The following PDE1C variants were observed in gnomAD, a reference collection of about 807,000 sequenced individuals.
The protein encoded by PDE1C is phosphodiesterase 1C.
In PDE1C, 62 loss-of-function variants were observed where a neutral mutation model predicts 93.1. The ratio of observed to expected loss-of-function variants is 0.67; its 90% CI spans 0.54 to 0.82. PDE1C has a LOEUF of 0.82. Ranked by LOEUF, PDE1C falls within the 40% of genes least tolerant of loss-of-function variation. The pLI is 0.00. For missense variants in PDE1C, 742 were observed against 884.6 expected (o/e 0.84, Z 2.04); for synonymous variants, 325 against 310.1 (o/e 1.05, Z -0.50).
chr7:32,014,676 G>A (rs936310883), intron 2 of PDE1C, among the ~76,000 whole-genome samples: 1 of 151,948 alleles, frequency 6.6e-6, no homozygotes, highest in African/African-American at 2.4e-5. Flanking sequence ...TGTTCTCATT[G>A]TTCAACTCCC....
At chr7:31,713,347 C>T in the PDE1C span, among the ~76,000 whole-genome samples, 1 of 152,242 alleles carries the variant, frequency 6.6e-6, no homozygotes, top group Non-Finnish European at 1.5e-5. Flanking sequence ...ACATCCAGGT[C>T]ACGCTGATGC....
intron 1 of PDE1C, among the ~76,000 whole-genome samples, chr7:32,052,039 C>A (rs1256004794): frequency 2.0e-5 from 3 of 152,146 alleles, no homozygotes; most frequent in Non-Finnish European, 4.4e-5. Context: ...TATGTTGTCA[C>A]TATCGTTACT....
At chr7:32,364,637 C>T (rs1226495048) in intron 1 of PDE1C, among the ~76,000 whole-genome samples, 1 of 152,230 alleles carries the variant, frequency 6.6e-6, no homozygotes, top group Admixed American at 6.5e-5. Flanking sequence ...AGCTGCATCA[C>T]TCCAGATGAG....
upstream of PDE1C, chr7:32,070,424 G>A (rs773755220): frequency 4.1e-5 from 66 of 1,613,374 alleles, no homozygotes; most frequent in Non-Finnish European, 2.5e-6. Context: ...TGGCGGTGAA[G>A]CTGAGATAGT....
rs994121823 is a variant in PDE1C at position 32,058,156 on chromosome 7, C to T, written c.102-6576G>A. 1.8e-4 allele frequency among the ~76,000 whole-genome samples: 27 copies of T among 152,282 alleles called. 1 individual carries two copies. Among genetic ancestry groups the T allele is most frequent in the African/African-American group, 6.3e-4 (26 of 41,562 alleles). On this transcript the variant is annotated intron_variant, in intron 1 of 17. Coordinates refer to ENST00000396191, the MANE Select transcript of PDE1C (RefSeq NM_001191057.4). ...CAACTGCATACACACAATGCAAATT[C>T]CAGTTCTGCCTTCAGTGTTCTCCAG...
chr7:31,959,257 C>T (rs1808584031), intron 2 of PDE1C, among the ~76,000 whole-genome samples: 1 of 152,112 alleles, frequency 6.6e-6, no homozygotes, highest in African/African-American at 2.4e-5. Flanking sequence ...GTTGCCCAGG[C>T]TGGAATGCAG....
chr7:32,358,471 G>A (rs1392612187), intron 1 of PDE1C, among the ~76,000 whole-genome samples: 3 of 152,212 alleles, frequency 2.0e-5, no homozygotes, highest in Non-Finnish European at 4.4e-5. Context: ...TTCACAGGTT[G>A]TGGTAAGGAT....
At chr7:32,140,966 T>G (rs1247076712) in intron 3 of PDE1C, among the ~76,000 whole-genome samples, 1 of 152,234 alleles carries the variant, frequency 6.6e-6, no homozygotes, top group African/African-American at 2.4e-5. Context: ...ACCTGTGGAA[T>G]AAAAATTTCT....
chr7:31,853,678 A>T (rs1793626489), intron 7 of PDE1C, among the ~76,000 whole-genome samples: 1 of 152,034 alleles, frequency 6.6e-6, no homozygotes, highest in Admixed American at 6.6e-5. Context: ...GAAGGGAGAT[A>T]AAAAGCAGGG....
intron 1 of PDE1C, 39 bp from the exon 2 acceptor site, chr7:32,051,619 G>A: frequency 6.3e-7 from 1 of 1,579,542 alleles, no homozygotes; most frequent in African/African-American, 1.3e-5. Context: ...GAAAAGGGTT[G>A]TGGCAGGCAG....
At chr7:31,874,544 A>C (rs751951422) in intron 5 of PDE1C, among the ~76,000 whole-genome samples, 5 of 152,272 alleles carry the variant, frequency 3.3e-5, no homozygotes, top group South Asian at 2.1e-4. Flanking sequence ...ATCCATCCTA[A>C]TTTTGTTCCT....
At chr7:32,410,272 A>C (rs1057261748) in intron 1 of PDE1C, among the ~76,000 whole-genome samples, 17 of 151,826 alleles carry the variant, frequency 1.1e-4, no homozygotes, top group African/African-American at 3.6e-4. Context: ...GGCAGAGTGC[A>C]GTGAGCTATG....
At chr7:31,680,131 G>T in the PDE1C span, among the ~76,000 whole-genome samples, 1 of 152,162 alleles carries the variant, frequency 6.6e-6, no homozygotes, top group South Asian at 2.1e-4. Flanking sequence ...GAGAAGCCGT[G>T]ACCAAATTAA....
At chr7:31,930,040 G>T (rs1402544741) in intron 2 of PDE1C, among the ~76,000 whole-genome samples, 1 of 152,016 alleles carries the variant, frequency 6.6e-6, no homozygotes, top group East Asian at 1.9e-4. Context: ...AAAGAAGAGA[G>T]AAGAATCAAA....
intron 3 of PDE1C, among the ~76,000 whole-genome samples, chr7:32,164,516 T>C (rs1802105353): frequency 6.6e-6 from 1 of 152,106 alleles, no homozygotes. Context: ...TAGAGCTAGG[T>C]AGACTTGGTT....
chr7:32,034,890 G>T (rs1433865647), intron 2 of PDE1C, among the ~76,000 whole-genome samples: 1 of 152,044 alleles, frequency 6.6e-6, no homozygotes, highest in East Asian at 1.9e-4. Flanking sequence ...TATCCCAGAG[G>T]AGTTAATAAA....
intron 15 of PDE1C, among the ~76,000 whole-genome samples, chr7:31,809,654 C>T (rs1787314128): frequency 6.6e-6 from 1 of 151,988 alleles, no homozygotes; most frequent in Non-Finnish European, 1.5e-5. Flanking sequence ...ATGTATTTAA[C>T]CCACTTATGA....
At chr7:31,826,837 C>A (rs933217001) in intron 12 of PDE1C, among the ~76,000 whole-genome samples, 10 of 152,166 alleles carry the variant, frequency 6.6e-5, no homozygotes, top group Middle Eastern at 3.2e-3. Context: ...CAAACTTTAT[C>A]TGTAAAGGAC....
At chr7:31,694,983 G>T in the PDE1C span, among the ~76,000 whole-genome samples, 1 of 152,164 alleles carries the variant, frequency 6.6e-6, no homozygotes, top group Non-Finnish European at 1.5e-5. Context: ...TCACCAGGAG[G>T]ATGAGACTGG....
Sources: allele counts gnomAD v4.1 joint callset (sites outside exome capture counted in the v4.1 genomes callset), GRCh38; gene constraint gnomAD v4.1.1; transcripts MANE v1.5; gene names NCBI Gene and HGNC (gene_info 2026-07-23, HGNC 2026-07-21).